Variants in ZMYM4 observed in about 807,000 individuals in gnomAD.
The protein encoded by ZMYM4 is zinc finger MYM-type containing 4, also known as zinc finger MYM-type protein 4.
Under a neutral mutation model 183.2 loss-of-function variants are expected in ZMYM4, and 31 were observed. The observed-to-expected ratio is 0.17, with a 90% CI of 0.13 to 0.23. The LOEUF (loss-of-function observed/expected upper bound fraction) is 0.23, where lower values mean the gene tolerates loss of function less well. ZMYM4 is among the 10% of genes least tolerant of loss of function. The probability of loss-of-function intolerance (pLI) is 1.00; values close to 1 mark genes in which losing one functional copy is unlikely to be tolerated. For missense variants in ZMYM4, 1,273 were observed against 1,840.3 expected (o/e 0.69, Z 5.64); for synonymous variants, 592 against 631.2 (o/e 0.94, Z 0.93).
chr1:35,407,012 C>G (rs1046756375), intron 25 of ZMYM4, among the ~76,000 whole-genome samples: 7 of 152,194 alleles, frequency 4.6e-5, no homozygotes, highest in African/African-American at 1.7e-4. Flanking sequence ...CCTATACACC[C>G]AAGTCCCCTG....
intron 2 of ZMYM4, among the ~76,000 whole-genome samples, chr1:35,331,192 G>A (rs1642731338): frequency 6.6e-6 from 1 of 152,046 alleles, no homozygotes; most frequent in Admixed American, 6.6e-5. Context: ...CATTGTAAAG[G>A]AATACTTTCT....
intron 1 of ZMYM4, among the ~76,000 whole-genome samples, chr1:35,323,824 G>T (rs1290628761): frequency 6.6e-6 from 1 of 151,676 alleles, no homozygotes; most frequent in Non-Finnish European, 1.5e-5. Context: ...AAAGTGCTGG[G>T]ATTACAGGCG....
intron 2 of ZMYM4, among the ~76,000 whole-genome samples, chr1:35,334,143 C>G (rs2148842083): frequency 6.6e-6 from 1 of 151,768 alleles, no homozygotes; most frequent in East Asian, 1.9e-4. Context: ...TGGCGAAACT[C>G]CATCTCTACA....
chr1:35,313,184 G>A (rs942131424), intron 1 of ZMYM4, among the ~76,000 whole-genome samples: 6 of 151,434 alleles, frequency 4.0e-5, no homozygotes, highest in South Asian at 4.2e-4. Context: ...ATGAGCCACC[G>A]TGACCGGCCC....
At chr1:35,361,851 G>A (rs1392112016) in intron 5 of ZMYM4, 62 bp downstream of exon 5, 4 of 1,549,882 alleles carry the variant, frequency 2.6e-6, no homozygotes, top group Non-Finnish European at 3.5e-6. Flanking sequence ...ATTCATTTGA[G>A]AGAGGAAGTG....
intron 15 of ZMYM4, among the ~76,000 whole-genome samples, 177 bp from the exon 16 acceptor site, chr1:35,392,035 T>C (rs1445392924): frequency 1.3e-5 from 2 of 151,606 alleles, no homozygotes; most frequent in African/African-American, 4.8e-5. Flanking sequence ...AGTGAGACTC[T>C]GTCTCAAAAA....
chr1:35,294,785 T>G (rs951391246), intron 1 of ZMYM4, among the ~76,000 whole-genome samples: 2 of 152,086 alleles, frequency 1.3e-5, no homozygotes, highest in African/African-American at 4.8e-5. Flanking sequence ...TTTCCAAGCG[T>G]AAACAAAAAA....
intron 1 of ZMYM4, among the ~76,000 whole-genome samples, chr1:35,277,185 C>T (rs1282886831): frequency 6.6e-6 from 1 of 152,122 alleles, no homozygotes; most frequent in East Asian, 1.9e-4. Context: ...ATAAATTAAT[C>T]AGAGCCCATG....
intron 10 of ZMYM4, among the ~76,000 whole-genome samples, 183 bp from the exon 11 acceptor site, chr1:35,385,891 A>G (rs1644565113): frequency 6.6e-6 from 1 of 152,154 alleles, no homozygotes; most frequent in African/African-American, 2.4e-5. Flanking sequence ...ACCAATTTAA[A>G]TTGGAAAGAA....
intron 1 of ZMYM4, among the ~76,000 whole-genome samples, chr1:35,315,369 G>A (rs1009846853): frequency 1.8e-4 from 27 of 151,912 alleles, no homozygotes; most frequent in African/African-American, 6.5e-4. Context: ...CTTCTACGTA[G>A]AACTTTGGTT....
intron 1 of ZMYM4, among the ~76,000 whole-genome samples, chr1:35,302,316 C>T (rs1641325038): frequency 1.3e-5 from 2 of 149,064 alleles, no homozygotes; most frequent in African/African-American, 2.5e-5. Flanking sequence ...AATAGATCCT[C>T]CTGCCTCAGC....
intron 1 of ZMYM4, among the ~76,000 whole-genome samples, chr1:35,292,996 C>A (rs1640833674): frequency 9.2e-6 from 1 of 108,248 alleles, no homozygotes; most frequent in Admixed American, 1.1e-4. Context: ...GTCTGTGATA[C>A]CATTAACATT....
intron 22 of ZMYM4, 35 bp from the exon 23 acceptor site, chr1:35,399,447 T>A (rs1300279207): frequency 2.5e-6 from 4 of 1,581,078 alleles, no homozygotes; most frequent in Middle Eastern, 1.7e-4. Flanking sequence ...TGTGAGTTAT[T>A]TACCTCATGT....
intron 7 of ZMYM4, among the ~76,000 whole-genome samples, chr1:35,371,360 C>T (rs1644210033): frequency 6.6e-6 from 1 of 152,106 alleles, no homozygotes; most frequent in South Asian, 2.1e-4. Context: ...TCGTGATCTG[C>T]CTGCCTCAGC....
intron 2 of ZMYM4, chr1:35,350,673 G>T: frequency 3.4e-6 from 1 of 297,464 alleles, no homozygotes; most frequent in Non-Finnish European, 6.5e-6. Flanking sequence ...AGCACTGCTG[G>T]GCCTGCAGGT....
chr1:35,338,834 T>C (rs1643081773), intron 2 of ZMYM4, among the ~76,000 whole-genome samples: 1 of 152,252 alleles, frequency 6.6e-6, no homozygotes, highest in Non-Finnish European at 1.5e-5. Context: ...ATTGTAGGCA[T>C]TCTCTAAATG....
chr1:35,360,936 A>C (rs1643922459), intron 3 of ZMYM4, among the ~76,000 whole-genome samples: 2 of 148,110 alleles, frequency 1.4e-5, no homozygotes, highest in South Asian at 4.2e-4. Context: ...TTTTCAGAGC[A>C]AAAATAATTT....
At chr1:35,366,781 C>CG (rs889058568) in intron 5 of ZMYM4, among the ~76,000 whole-genome samples, 27 of 151,952 alleles carry the variant, frequency 1.8e-4, no homozygotes, top group East Asian at 3.9e-4. Context: ...GGAGGCCAAG[C>CG]GGGGGGCGAA....
intron 7 of ZMYM4, among the ~76,000 whole-genome samples, chr1:35,373,372 T>C (rs911349560): frequency 7.1e-6 from 1 of 140,898 alleles, no homozygotes; most frequent in South Asian, 2.2e-4. Flanking sequence ...TCTTAACTTT[T>C]TTTTTTTCTT....
Sources: gnomAD v4.1 joint callset for allele counts (sites outside exome capture counted in the v4.1 genomes callset) on GRCh38, gnomAD v4.1.1 for gene constraint, MANE v1.5 for transcripts, NCBI Gene and HGNC (gene_info 2026-07-23, HGNC 2026-07-21) for gene names.